Variants in TBC1D17 observed in about 807,000 individuals in gnomAD.
TBC1D17 encodes TBC1 domain family member 17.
A neutral mutation model predicts 78.8 loss-of-function variants in TBC1D17; 69 were observed. The observed-to-expected ratio is 0.88, with a 90% confidence interval of 0.72 to 1.07. The LOEUF is 1.07. Ranked by LOEUF, TBC1D17 falls within the 50% of genes least tolerant of loss-of-function variation. The pLI is 0.00. For synonymous variants in TBC1D17, 456 were observed against 358.3 expected (o/e 1.27, Z -3.08); for missense variants, 957 against 861.0 (o/e 1.11, Z -1.39).
chr19:49,880,977 G>A (rs1453629620), intron 4 of TBC1D17, among the ~76,000 whole-genome samples: 1 of 152,154 alleles, frequency 6.6e-6, no homozygotes, highest in Non-Finnish European at 1.5e-5. Context: ...GGTAAGATAG[G>A]CAGGGGCGAA....
chr19:49,880,985 G>A (rs1195434665), intron 4 of TBC1D17, among the ~76,000 whole-genome samples: 1 of 152,174 alleles, frequency 6.6e-6, no homozygotes, highest in Non-Finnish European at 1.5e-5. Flanking sequence ...AGGCAGGGGC[G>A]AAGGACAGAC....
At chr19:49,887,304 G>A in intron 13 of TBC1D17, 172 bp from the exon 14 acceptor site, 1 of 630,568 alleles carries the variant, frequency 1.6e-6, no homozygotes, top group Non-Finnish European at 2.8e-6. Flanking sequence ...AGAGTGGGAG[G>A]AAGGAGGGGC....
In TBC1D17 at chr19:49,882,860, G is replaced by A. The variant is rs1186274953; in HGVS notation, c.895G>A (p.Val299Ile). 4 of 1,610,778 alleles carry A rather than the reference G, an allele frequency of 2.5e-6. No homozygotes were observed. The change falls in exon 8 of 17, where the codon GTC becomes ATC. Residue 299 changes from valine (V) to isoleucine (I), a missense_variant. Physicochemically the swap from Val to Ile is conservative, Grantham distance 29. Coordinates refer to ENST00000221543, the MANE Select transcript of TBC1D17 (RefSeq NM_024682.3). ...GGGCCCTGAAGGTCGCCTGCAGCAG[G>A]TCCCTGAGCTGAAGAACCGGATCTT... is the stretch of plus-strand genomic sequence containing the variant. Reference protein sequence around the residue: ...HVGPEGRLQQVPELKNRIFSG... With the variant: ...HVGPEGRLQQIPELKNRIFSG...
chr19:49,885,605 C>G (rs1238527491), intron 13 of TBC1D17: 1 of 151,694 alleles, frequency 6.6e-6, no homozygotes, highest in African/African-American at 2.4e-5. Context: ...TCACGTGAGC[C>G]AAGGAGTTTG....
In TBC1D17 at chr19:49,888,458, T is replaced by C. The variant is rs1171266344; in HGVS notation, c.1781T>C (p.Leu594Pro). 4.4e-6 allele frequency: 7 copies of C among 1,597,244 alleles called. No homozygotes were observed. The highest frequency in any genetic ancestry group is 1.3e-5 in the African/African-American group (1 of 74,270). The change falls in exon 17 of 17, where the codon CTG becomes CCG. Residue 594 changes from leucine (L) to proline (P), a missense_variant. Coordinates refer to ENST00000221543, the MANE Select transcript of TBC1D17 (RefSeq NM_024682.3). Reference sequence around the variant, plus strand: ...CACAACGTGCAGGAGATCCTGGGGCTGGCCCCGCCCGCAGAGCCCCACAGC... The same window carrying C: ...CACAACGTGCAGGAGATCCTGGGGCCGGCCCCGCCCGCAGAGCCCCACAGC... Reference protein sequence around the residue: ...LPHNVQEILGLAPPAEPHSPS... With the variant: ...LPHNVQEILGPAPPAEPHSPS...
At chr19:49,878,673 T>A (rs1568672263) in intron 3 of TBC1D17, 101 bp downstream of exon 3, 1 of 1,136,996 alleles carries the variant, frequency 8.8e-7, no homozygotes, top group East Asian at 2.4e-5. Flanking sequence ...GACCTACTCG[T>A]GGGGCATGTG....
chr19:49,881,308 A>G lies in TBC1D17; in HGVS notation c.360A>G (p.Ser120=). Residue 120 remains serine (S), a synonymous_variant, in exon 5 of 17, where the codon TCA becomes TCG. Coordinates refer to ENST00000221543, the MANE Select transcript of TBC1D17 (RefSeq NM_024682.3). The part of the protein sequence containing the change: ...PSCPQGSWAF[S]VSLGELKSIR... Reference sequence around the variant, plus strand: ...GCCCCCAGGGCTCCTGGGCCTTCTCAGTGAGTCTGGGGGAGCTAAAGTCCA... The same window carrying G: ...GCCCCCAGGGCTCCTGGGCCTTCTCGGTGAGTCTGGGGGAGCTAAAGTCCA... 6.2e-7 allele frequency: 1 copy of G among 1,613,108 alleles called. No homozygotes were observed. The highest frequency in any genetic ancestry group is 8.5e-7 in the Non-Finnish European group (1 of 1,179,950).
In TBC1D17 at chr19:49,888,324, C is replaced by T. The variant is rs1444040536; in HGVS notation, c.1746+7C>T. 6.4e-7 allele frequency: 1 copy of T among 1,560,250 alleles called. No homozygotes were observed. Among genetic ancestry groups the T allele is most frequent in the East Asian group, 2.4e-5 (1 of 42,140 alleles). On this transcript the variant is annotated splice_region_variant and intron_variant, in intron 16 of 16. Transcript: ENST00000221543. ...CCAGCTAACCGCCTGCCCCGTGAGT[C>T]CCCGTCCGCCCCGCAGCGCCCCGCC...
chr19:49,879,294 C>T (rs1431605532), intron 3 of TBC1D17: 1 of 152,262 alleles, frequency 6.6e-6, no homozygotes, highest in African/African-American at 2.4e-5. Flanking sequence ...GGAATGAGAC[C>T]TCCATTGGAG....
intron 13 of TBC1D17, among the ~76,000 whole-genome samples, chr19:49,885,863 G>T (rs2075054293): frequency 6.6e-6 from 1 of 150,546 alleles, no homozygotes; most frequent in African/African-American, 2.5e-5. Flanking sequence ...AATCCCAGCT[G>T]TTGGGATCGG....
intron 5 of TBC1D17, 96 bp downstream of exon 5, chr19:49,881,571 C>T: frequency 8.1e-7 from 1 of 1,230,498 alleles, no homozygotes; most frequent in South Asian, 1.4e-5. Flanking sequence ...ACAACTCACA[C>T]TGATTTAAAG....
intron 16 of TBC1D17, 25 bp downstream of exon 16, chr19:49,888,342 G>GCC: frequency 6.7e-6 from 10 of 1,503,548 alleles, no homozygotes; most frequent in Non-Finnish European, 8.0e-6. Context: ...GCCCCGCAGC[G>GCC]CCCCGCCCGA....
Position 49,883,639 on chromosome 19 carries a change from T to C in TBC1D17, c.1032-12T>C. 6.2e-7 allele frequency: 1 copy of C among 1,612,616 alleles called. No homozygotes were observed. The highest frequency in any genetic ancestry group is 1.1e-5 in the South Asian group (1 of 91,052). ...GTGGCGGCCTCACATCTTGTTTCCC[T>C]CTGTCACTCAGGGATGAGTATTTCC... On this transcript the variant is annotated splice_polypyrimidine_tract_variant and intron_variant, in intron 9 of 16. Coordinates refer to ENST00000221543, the MANE Select transcript of TBC1D17 (RefSeq NM_024682.3).
intron 13 of TBC1D17, chr19:49,887,217 C>G (rs930002593): frequency 7.4e-5 from 36 of 484,908 alleles, no homozygotes; most frequent in African/African-American, 1.4e-4. Flanking sequence ...AGGTCTGTTT[C>G]GTCGGGCGTG....
intron 5 of TBC1D17, 32 bp from the exon 6 acceptor site, chr19:49,882,009 G>T: frequency 6.4e-7 from 1 of 1,573,814 alleles, no homozygotes. Flanking sequence ...CCCTACCTGT[G>T]CATCACCTGT....
Position 49,883,045 on chromosome 19 carries a change from G to T in TBC1D17, c.1000G>T (p.Glu334Ter). ...GTACCTCAGCTGGGAAGGCACAGCTGAGGAGCACAAGGCCCACATACGCAA... is the reference window on the plus strand; with the variant it reads ...GTACCTCAGCTGGGAAGGCACAGCTTAGGAGCACAAGGCCCACATACGCAA... Reference protein sequence around the residue: ...LGYLSWEGTAEEHKAHIRKKT... With the variant: ...LGYLSWEGTA The change falls in exon 9 of 17, where the codon GAG becomes TAG. Residue 334 changes from glutamate (E) to a stop codon, truncating the protein, a stop_gained. Transcript: ENST00000221543. LOFTEE classifies it high-confidence loss of function. 6.2e-7 allele frequency: 1 copy of T among 1,611,070 alleles called. No homozygotes were observed. Among genetic ancestry groups the T allele is most frequent in the South Asian group, 1.1e-5 (1 of 91,006 alleles).
chr19:49,880,236 T>G (rs1414978270), intron 3 of TBC1D17, 43 bp from the exon 4 acceptor site: 1 of 1,608,642 alleles, frequency 6.2e-7, no homozygotes, highest in Admixed American at 1.7e-5. Flanking sequence ...GGCTAAGATC[T>G]GAATCCATGG....
At chr19:49,884,821 T>C in intron 13 of TBC1D17, 63 bp downstream of exon 13, 2 of 1,444,962 alleles carry the variant, frequency 1.4e-6, no homozygotes, top group Non-Finnish European at 9.7e-7. Flanking sequence ...GATTCTCTGG[T>C]AGCAGCCACA....
At chr19:49,887,242 T>G (rs1186583962) in intron 13 of TBC1D17, 1 of 533,752 alleles carries the variant, frequency 1.9e-6, no homozygotes, top group Non-Finnish European at 3.4e-6. Flanking sequence ...GCGTCCTGCC[T>G]CCCTTCCATG....
Sources: gnomAD v4.1 joint callset for allele counts (sites outside exome capture counted in the v4.1 genomes callset) on GRCh38, gnomAD v4.1.1 for gene constraint, MANE v1.5 for transcripts, NCBI Gene and HGNC (gene_info 2026-07-23, HGNC 2026-07-21) for gene names.